The following GLIS3 variants were observed in gnomAD, a reference collection of about 807,000 sequenced individuals.
The protein encoded by GLIS3 is GLIS family zinc finger 3.
A neutral mutation model predicts 78.6 loss-of-function variants in GLIS3; 53 were observed. The ratio of observed to expected loss-of-function variants is 0.67; its 90% CI spans 0.54 to 0.85. The LOEUF is 0.85. Among genes scored for constraint, GLIS3 ranks in the 40% least tolerant of loss-of-function variants. The pLI, the probability that GLIS3 is intolerant of heterozygous loss-of-function variation, is 0.00. For missense variants in GLIS3, 1,703 were observed against 1,231.1 expected (o/e 1.38, Z -5.74); for synonymous variants, 684 against 509.9 (o/e 1.34, Z -4.60).
intron 2 of GLIS3, among the ~76,000 whole-genome samples, chr9:4,256,496 T>C (rs564728652): frequency 6.6e-6 from 1 of 152,296 alleles, no homozygotes; most frequent in African/African-American, 2.4e-5. Context: ...GCCGGTAAAA[T>C]TGAAGTTTGG....
intron 8 of GLIS3, among the ~76,000 whole-genome samples, chr9:3,862,846 ATAT>A (rs1378856119): frequency 1.3e-5 from 2 of 152,174 alleles, no homozygotes; most frequent in Admixed American, 1.3e-4. Flanking sequence ...CACACGAAAA[ATAT>A]TATTGATTTG....
chr9:4,419,849 A>G, the GLIS3 span, among the ~76,000 whole-genome samples: 4 of 152,122 alleles, frequency 2.6e-5, no homozygotes, highest in African/African-American at 7.2e-5. Flanking sequence ...CACTATCTCA[A>G]TGACATTACC....
the GLIS3 span, among the ~76,000 whole-genome samples, chr9:4,407,844 A>T: frequency 2.0e-5 from 3 of 152,200 alleles, no homozygotes; most frequent in African/African-American, 7.2e-5. Context: ...AGAATGAGAG[A>T]AAGTATTTGA....
At chr9:3,973,086 G>A (rs1818509075) in intron 4 of GLIS3, among the ~76,000 whole-genome samples, 1 of 152,086 alleles carries the variant, frequency 6.6e-6, no homozygotes, top group African/African-American at 2.4e-5. Context: ...TCATAGTTAT[G>A]GTTTATTACA....
intron 2 of GLIS3, among the ~76,000 whole-genome samples, chr9:4,259,531 C>G (rs34498325): frequency 0.58 from 88,759 of 151,978 alleles, 26,749 homozygotes; most frequent in East Asian, 0.74. Flanking sequence ...AAGCTGTTGA[C>G]AACTCACTAA....
chr9:4,034,826 T>A (rs1157408321), intron 4 of GLIS3: 1 of 152,180 alleles, frequency 6.6e-6, no homozygotes, highest in African/African-American at 2.4e-5. Context: ...AGAACCTGAA[T>A]GTCACTTGGT....
chr9:4,136,416 G>C (rs1833413136), intron 2 of GLIS3, among the ~76,000 whole-genome samples: 1 of 152,168 alleles, frequency 6.6e-6, no homozygotes, highest in African/African-American at 2.4e-5. Context: ...TCATGGAGAT[G>C]TCCACAGTCC....
chr9:4,350,009 G>A (rs889849473), upstream of GLIS3, among the ~76,000 whole-genome samples: 8 of 152,228 alleles, frequency 5.3e-5, no homozygotes, highest in East Asian at 7.7e-4. Context: ...AGACTTAGAC[G>A]GACCAAGAGC....
chr9:4,380,468 A>G, the GLIS3 span, among the ~76,000 whole-genome samples: 1 of 152,224 alleles, frequency 6.6e-6, no homozygotes, highest in Non-Finnish European at 1.5e-5. Context: ...AGCACCAAAG[A>G]AGATAAAAAT....
At chr9:4,488,186 C>T in the GLIS3 span, among the ~76,000 whole-genome samples, 1 of 152,106 alleles carries the variant, frequency 6.6e-6, no homozygotes. Flanking sequence ...AACTCCTGGG[C>T]TTAAGCAGTC....
chr9:4,223,503 C>G (rs79343234), intron 2 of GLIS3, among the ~76,000 whole-genome samples: 34,230 of 152,068 alleles, frequency 0.23, 5,052 homozygotes, highest in South Asian at 0.52. Context: ...CTTTTAGAGA[C>G]CCACCTTTAT....
At position 4,299,908 on chromosome 9, in the gene GLIS3, G is replaced by C. The variant is rs1050680385; in HGVS notation, c.-586C>G. 6.6e-6 allele frequency: 1 copy of C among 152,168 alleles called. No homozygotes were observed. The highest frequency in any genetic ancestry group is 6.5e-5 in the Admixed American group (1 of 15,278). The allele number at this position is 152,168 out of a possible 1,614,324, so 9.4% of individuals were successfully genotyped here. ...CCTGGACGGCGCGGACGGCGTACAG[G>C]GGGTCCCGGGAGGGGCAGTGGCCGC... On this transcript the variant is annotated 5_prime_UTR_variant, in exon 1 of 11. Transcript: ENST00000381971.
At chr9:4,335,805 T>C (rs528374177) in intron 2 of GLIS3, among the ~76,000 whole-genome samples, 1 of 152,280 alleles carries the variant, frequency 6.6e-6, no homozygotes, top group Admixed American at 6.5e-5. Context: ...TGCCCCAGGG[T>C]CCTTCCCCCA....
At chr9:4,130,151 A>T (rs545665642) in intron 2 of GLIS3, among the ~76,000 whole-genome samples, 11 of 152,340 alleles carry the variant, frequency 7.2e-5, no homozygotes, top group Admixed American at 5.2e-4. Flanking sequence ...TTCTAACAAC[A>T]TGTGTTTATA....
At chr9:4,174,164 T>G (rs561746288) in intron 2 of GLIS3, among the ~76,000 whole-genome samples, 83 of 152,254 alleles carry the variant, frequency 5.5e-4, no homozygotes, top group African/African-American at 1.6e-3. Flanking sequence ...CCCCAAAGAA[T>G]AAAGGTAACT....
intron 4 of GLIS3, among the ~76,000 whole-genome samples, chr9:3,980,514 C>T (rs895793205): frequency 4.6e-5 from 7 of 152,148 alleles, no homozygotes; most frequent in Admixed American, 6.6e-5. Context: ...TTGCTTTGTT[C>T]GAGTTTGCTT....
intron 2 of GLIS3, among the ~76,000 whole-genome samples, chr9:4,343,273 T>G (rs1385220571): frequency 6.6e-6 from 1 of 152,188 alleles, no homozygotes; most frequent in Non-Finnish European, 1.5e-5. Context: ...GCCCAGGAGT[T>G]CGAGGCTTCA....
chr9:4,308,706 T>C (rs1441099733), intron 4 of GLIS3: 2 of 152,334 alleles, frequency 1.3e-5, no homozygotes, highest in East Asian at 3.9e-4. Context: ...ATAAGCTTCC[T>C]AGGAGACTTT....
rs896385365 is a variant in GLIS3 at position 4,118,050 on chromosome 9, G to A, written c.1428C>T (p.His476=). The part of the protein sequence containing the change: ...AHLHHPELGP[H]AQQLALPQAT... The stretch of plus-strand genomic sequence containing the variant: ...CCTGGGGCAAGGCCAGCTGCTGGGC[G>A]TGGGGCCCGAGCTCCGGGTGGTGAA... Residue 476 remains histidine, a synonymous_variant, in exon 4 of 11, where the codon CAC becomes CAT. Coordinates refer to ENST00000381971, the MANE Select transcript of GLIS3 (RefSeq NM_001042413.2). This position sits in a 1 kb window ranked among gnomAD's most constrained non-coding sequence, Gnocchi z 4.7. 7 of 1,589,442 alleles carry A rather than the reference G, an allele frequency of 4.4e-6. No individual in the cohort carries two copies. Among genetic ancestry groups the A allele is most frequent in the Non-Finnish European group, 6.0e-6 (7 of 1,167,612 alleles).
Sources: allele counts gnomAD v4.1 joint callset (sites outside exome capture counted in the v4.1 genomes callset), GRCh38; gene constraint gnomAD v4.1.1; non-coding constraint Gnocchi (gnomAD v3.1); transcripts MANE v1.5; gene names NCBI Gene and HGNC (gene_info 2026-07-23, HGNC 2026-07-21).